FRMD4B: variants seen among roughly 807,000 people sequenced by gnomAD.
FRMD4B encodes the protein FERM domain containing 4B.
Under a neutral mutation model 141.5 loss-of-function variants are expected in FRMD4B, and 74 were observed. That is an observed-to-expected ratio of 0.52 (90% CI 0.43 to 0.63). The LOEUF (loss-of-function observed/expected upper bound fraction) is 0.63. Ranked by LOEUF, FRMD4B falls within the 30% of genes least tolerant of loss-of-function variation. The pLI is 0.00. For synonymous variants in FRMD4B, 506 were observed against 467.9 expected, an observed-to-expected ratio of 1.08 and a Z score of -1.05; for missense variants, 1,366 against 1,253.4, an observed-to-expected ratio of 1.09 and a Z score of -1.36.
At chr3:69,314,240 A>AAT (rs1239818677) in intron 1 of FRMD4B, among the ~76,000 whole-genome samples, 2 of 148,310 alleles carry the variant, frequency 1.3e-5, no homozygotes, top group African/African-American at 5.0e-5. Flanking sequence ...AAAAAAAAAA[A>AAT]AAGCCAGCCA....
upstream of FRMD4B, among the ~76,000 whole-genome samples, chr3:69,388,777 A>AC (rs1231491248): frequency 1.3e-5 from 2 of 152,106 alleles, no homozygotes; most frequent in African/African-American, 4.8e-5. Context: ...AATCACCATA[A>AC]CCCCCCGAAT....
intron 1 of FRMD4B, among the ~76,000 whole-genome samples, chr3:69,349,949 G>A (rs1343231567): frequency 6.6e-6 from 1 of 152,110 alleles, no homozygotes; most frequent in Non-Finnish European, 1.5e-5. Context: ...AAAAGCAATG[G>A]CAACAAAAGC....
chr3:69,477,506 T>G (rs1361931247), intron 1 of FRMD4B, among the ~76,000 whole-genome samples: 5 of 151,694 alleles, frequency 3.3e-5, no homozygotes, highest in Non-Finnish European at 7.4e-5. Context: ...TGGATTACGT[T>G]TATTGATTTG....
intron 2 of FRMD4B, among the ~76,000 whole-genome samples, chr3:69,392,538 C>T (rs151103811): frequency 6.2e-4 from 95 of 152,280 alleles, no homozygotes; most frequent in African/African-American, 2.2e-3. Flanking sequence ...AGCCCAGCAG[C>T]GAGGCTGCTG....
At chr3:69,219,198 A>G (rs546345552) in intron 9 of FRMD4B, among the ~76,000 whole-genome samples, 1 of 151,184 alleles carries the variant, frequency 6.6e-6, no homozygotes, top group Admixed American at 6.6e-5. Flanking sequence ...AATAAAAATT[A>G]AAGCAACGAT....
At chr3:69,258,438 A>G (rs1305071546) in intron 5 of FRMD4B, among the ~76,000 whole-genome samples, 1 of 152,238 alleles carries the variant, frequency 6.6e-6, no homozygotes, top group Non-Finnish European at 1.5e-5. Context: ...GGAAACATAT[A>G]TATTTCTATA....
At chr3:69,412,384 C>A (rs1324351620) in intron 2 of FRMD4B, among the ~76,000 whole-genome samples, 1 of 152,202 alleles carries the variant, frequency 6.6e-6, no homozygotes, top group Non-Finnish European at 1.5e-5. Context: ...GACTGGTCAA[C>A]TTTCAGAAGT....
At chr3:69,183,474 ATT>A (rs771537044) in intron 19 of FRMD4B, among the ~76,000 whole-genome samples, 1,697 of 113,238 alleles carry the variant, frequency 0.015, 53 homozygotes, top group African/African-American at 0.059. Flanking sequence ...TTAGAAGTTA[ATT>A]TTTTTTTTTT....
At chr3:69,278,736 G>A (rs1478138324) in intron 5 of FRMD4B, among the ~76,000 whole-genome samples, 3 of 152,036 alleles carry the variant, frequency 2.0e-5, no homozygotes, top group African/African-American at 2.4e-5. Context: ...ACAGGCATGC[G>A]CCACTGCACC....
At chr3:69,176,088 T>C (rs1259492854) in intron 22 of FRMD4B, among the ~76,000 whole-genome samples, 1 of 152,100 alleles carries the variant, frequency 6.6e-6, no homozygotes, top group Non-Finnish European at 1.5e-5. Flanking sequence ...CAGCAAACTT[T>C]TTCTTAAAGG....
chr3:69,381,572 G>C (rs1025957691), intron 1 of FRMD4B, among the ~76,000 whole-genome samples: 2 of 152,094 alleles, frequency 1.3e-5, no homozygotes, highest in Non-Finnish European at 2.9e-5. Flanking sequence ...GTAACTCCCT[G>C]GTGTGTGTGT....
At chr3:69,493,659 C>T in intron 1 of FRMD4B, among the ~76,000 whole-genome samples, 2 of 152,178 alleles carry the variant, frequency 1.3e-5, no homozygotes, top group East Asian at 1.9e-4. Context: ...ATGAATTGGC[C>T]TCTTGATTTG....
At chr3:69,261,273 G>C (rs2093525687) in intron 5 of FRMD4B, among the ~76,000 whole-genome samples, 1 of 152,156 alleles carries the variant, frequency 6.6e-6, no homozygotes, top group African/African-American at 2.4e-5. Flanking sequence ...AGAAGGAATG[G>C]ACTTTGGACA....
Position 69,410,801 on chromosome 3 carries a change from C to T in FRMD4B, c.-1+21833G>A, listed in dbSNP as rs930803113. Among the ~76,000 whole-genome samples the T allele has an allele frequency of 6.2e-5, 9 of 145,862 alleles. No homozygotes were observed. The East Asian group carries it at 1.8e-3, about 29-fold the overall frequency. On this transcript the variant is annotated intron_variant, in intron 2 of 5. Coordinates refer to the FRMD4B transcript ENST00000459638. ...TGAGACAGGGTCTTGCTCTGTTGCC[C>T]AGGCTGGAATCTGGAGGTATGATGA... is the stretch of plus-strand genomic sequence containing the variant.
chr3:69,182,750 AT>A lies in FRMD4B; in HGVS notation c.1920-34del, dbSNP rs756323337. Reference sequence around the variant, plus strand: ...GATAAAAAGAAGAATTCAGGAAATGATGAGTCTCTCAACATCTCTGGCAAAC... The same window carrying A: ...GATAAAAAGAAGAATTCAGGAAATGAGAGTCTCTCAACATCTCTGGCAAAC... On this transcript the variant is annotated intron_variant, in intron 19 of 22. Transcript: ENST00000398540. 17 of 1,606,270 alleles carry A rather than the reference AT, an allele frequency of 1.1e-5. No homozygotes were observed. In the African/African-American group the frequency reaches 2.3e-4, roughly 21 times the overall value.
chr3:69,181,595 T>C lies in FRMD4B; in HGVS notation c.2155A>G (p.Arg719Gly). Reference sequence around the variant, plus strand: ...TCGAGGATTTCTGTGCTGCTGCTTCTTTGGGATTTGGAGAGGGAGAAAAAT... The same window carrying C: ...TCGAGGATTTCTGTGCTGCTGCTTCCTTGGGATTTGGAGAGGGAGAAAAAT... ...KPFFSLSKSQRSSSTEILDDG... is the reference protein window; with the variant it reads ...KPFFSLSKSQGSSSTEILDDG... The change falls in exon 21 of 23, where the codon AGA becomes GGA. Residue 719 changes from arginine (R) to glycine (G), a missense_variant. Transcript: ENST00000398540. 1 of 1,613,862 alleles carries C rather than the reference T, an allele frequency of 6.2e-7. No individual in the cohort carries two copies. Among genetic ancestry groups the C allele is most frequent in the Non-Finnish European group, 8.5e-7 (1 of 1,179,820 alleles).
chr3:69,331,122 T>C (rs1027303364), intron 1 of FRMD4B, among the ~76,000 whole-genome samples: 10 of 152,220 alleles, frequency 6.6e-5, no homozygotes, highest in Non-Finnish European at 1.5e-4. Flanking sequence ...ATCTCAAAGC[T>C]GTTTCTTAGA....
At chr3:69,177,539 A>C (rs2092660137) in intron 21 of FRMD4B, among the ~76,000 whole-genome samples, 1 of 152,130 alleles carries the variant, frequency 6.6e-6, no homozygotes, top group Non-Finnish European at 1.5e-5. Flanking sequence ...AGTCCCAGCA[A>C]CTTGGGAAGC....
chr3:69,204,645 T>C (rs1056749718), intron 11 of FRMD4B, among the ~76,000 whole-genome samples: 2 of 152,226 alleles, frequency 1.3e-5, no homozygotes, highest in East Asian at 1.9e-4. Context: ...TAAAGCCCAA[T>C]TGATCTACCT....
Sources: allele counts gnomAD v4.1 joint callset (sites outside exome capture counted in the v4.1 genomes callset), GRCh38; gene constraint gnomAD v4.1.1; transcripts MANE v1.5; gene names NCBI Gene and HGNC (gene_info 2026-07-23, HGNC 2026-07-21).